The following WDR27 variants were observed in gnomAD, a reference collection of about 807,000 sequenced individuals.
WDR27 encodes WD repeat domain 27.
A neutral mutation model predicts 114.4 loss-of-function variants in WDR27; 100 were observed. The observed-to-expected ratio is 0.87, with a 90% CI of 0.74 to 1.03. WDR27 has a LOEUF of 1.03. Ranked by LOEUF, WDR27 falls within the 50% of genes least tolerant of loss-of-function variation. WDR27 has a pLI of 0.00. For synonymous variants in WDR27, 449 were observed against 423.1 expected (o/e 1.06, Z -0.75); for missense variants, 1,129 against 1,092.9 (o/e 1.03, Z -0.47).
At chr6:169,480,089 G>A (rs927009671) in intron 25 of WDR27, among the ~76,000 whole-genome samples, 15 of 152,192 alleles carry the variant, frequency 9.9e-5, no homozygotes, top group African/African-American at 3.6e-4. Flanking sequence ...GGGCCAGCGT[G>A]AGTTCCAGGT....
At chr6:169,597,291 G>A (rs1806997597) in intron 23 of WDR27, among the ~76,000 whole-genome samples, 1 of 151,858 alleles carries the variant, frequency 6.6e-6, no homozygotes, top group African/African-American at 2.4e-5. Context: ...AACCTTGTCT[G>A]CTAAGTCCAA....
chr6:169,673,345 G>A (rs981423078), intron 2 of WDR27, among the ~76,000 whole-genome samples: 5 of 151,868 alleles, frequency 3.3e-5, no homozygotes, highest in Admixed American at 2.0e-4. Flanking sequence ...GGCAGGATAC[G>A]TCACCTCATT....
At chr6:169,630,635 C>A (rs1352868720) in intron 21 of WDR27, among the ~76,000 whole-genome samples, 2 of 152,228 alleles carry the variant, frequency 1.3e-5, no homozygotes, top group Non-Finnish European at 2.9e-5. Context: ...GTGGCTCACG[C>A]CTGTAATCCC....
chr6:169,552,390 T>C (rs1798274547), intron 25 of WDR27, among the ~76,000 whole-genome samples: 1 of 152,192 alleles, frequency 6.6e-6, no homozygotes, highest in Admixed American at 6.5e-5. Context: ...TTCAGCCTGT[T>C]CCCGCTGCAG....
chr6:169,612,883 T>A (rs1446806372), intron 22 of WDR27, among the ~76,000 whole-genome samples: 1 of 152,216 alleles, frequency 6.6e-6, no homozygotes, highest in Non-Finnish European at 1.5e-5. Context: ...CTCATACAGA[T>A]TCTCATCACT....
chr6:169,653,697 A>T (rs767831391), intron 13 of WDR27, among the ~76,000 whole-genome samples: 12 of 152,226 alleles, frequency 7.9e-5, no homozygotes, highest in Non-Finnish European at 1.5e-4. Flanking sequence ...CAAAAGCCAG[A>T]AGAAATATGT....
intron 18 of WDR27, 66 bp from the exon 19 acceptor site, chr6:169,636,570 C>T: frequency 6.9e-7 from 1 of 1,456,466 alleles, no homozygotes; most frequent in Non-Finnish European, 9.3e-7. Context: ...TTGCTCTAAA[C>T]ATAAAATTAT....
chr6:169,634,532 G>C lies in WDR27; in HGVS notation c.2004-7C>G, dbSNP rs772398953. 6.3e-7 allele frequency: 1 copy of C among 1,597,968 alleles called. No individual in the cohort carries two copies. Among genetic ancestry groups the C allele is most frequent in the Non-Finnish European group, 8.5e-7 (1 of 1,170,270 alleles). On this transcript the variant is annotated splice_region_variant and splice_polypyrimidine_tract_variant and intron_variant, in intron 19 of 25. Transcript: ENST00000448612. ...CTTGCTCTTCTGTTTATATCTGGAA[G>C]AGAAAATCAAGATGATCAATATTTT... is the stretch of plus-strand genomic sequence containing the variant.
intron 23 of WDR27, among the ~76,000 whole-genome samples, chr6:169,590,964 T>C (rs2128154108): frequency 6.6e-6 from 1 of 152,350 alleles, no homozygotes; most frequent in South Asian, 2.1e-4. Flanking sequence ...CAGGTATCTC[T>C]TCCATATACG....
At chr6:169,629,023 G>T (rs1815613690) in intron 21 of WDR27, among the ~76,000 whole-genome samples, 1 of 152,174 alleles carries the variant, frequency 6.6e-6, no homozygotes, top group Non-Finnish European at 1.5e-5. Flanking sequence ...CTTTAACAGA[G>T]AAAAGCTTTA....
intron 25 of WDR27, among the ~76,000 whole-genome samples, chr6:169,555,562 C>T (rs1292421629): frequency 6.6e-6 from 1 of 152,172 alleles, no homozygotes; most frequent in Non-Finnish European, 1.5e-5. Flanking sequence ...TAAATTAACA[C>T]ACCAAAACTA....
intron 25 of WDR27, among the ~76,000 whole-genome samples, chr6:169,494,120 G>A (rs1410456777): frequency 1.3e-5 from 2 of 152,200 alleles, no homozygotes; most frequent in Admixed American, 1.3e-4. Flanking sequence ...TTGACTGTGT[G>A]ATGGGGTGCC....
At chr6:169,557,591 T>G (rs987854467) in intron 25 of WDR27, among the ~76,000 whole-genome samples, 1 of 152,232 alleles carries the variant, frequency 6.6e-6, no homozygotes, top group African/African-American at 2.4e-5. Flanking sequence ...ATCTTCAATC[T>G]TTCCTTTTCA....
the WDR27 span, among the ~76,000 whole-genome samples, chr6:169,440,029 C>T: frequency 1.3e-5 from 2 of 151,214 alleles, no homozygotes; most frequent in Non-Finnish European, 2.9e-5. Context: ...TGAAGCCTGC[C>T]TTGATTTGGC....
chr6:169,571,078 T>C (rs946363434), intron 25 of WDR27, among the ~76,000 whole-genome samples: 1 of 152,160 alleles, frequency 6.6e-6, no homozygotes, highest in Non-Finnish European at 1.5e-5. Flanking sequence ...AATTAGCGGA[T>C]ACAGTGATCA....
At chr6:169,581,168 G>A (rs532846069) in intron 24 of WDR27, among the ~76,000 whole-genome samples, 1 of 151,892 alleles carries the variant, frequency 6.6e-6, no homozygotes, top group East Asian at 1.9e-4. Flanking sequence ...TTAATCTCAA[G>A]GGCAAGAGAG....
At chr6:169,645,043 A>AAAAAAAAAAAAAAAAAAAAAAAAAAAG (rs1820276157) in intron 16 of WDR27, among the ~76,000 whole-genome samples, 3 of 59,674 alleles carry the variant, frequency 5.0e-5, no homozygotes, top group African/African-American at 3.6e-4. Flanking sequence ...AAATAAAAAA[A>AAAAAAAAAAAAAAAAAAAAAAAAAAAG]AAAAAAAAAA....
At chr6:169,623,906 G>A (rs1337923450) in intron 21 of WDR27, among the ~76,000 whole-genome samples, 4 of 152,130 alleles carry the variant, frequency 2.6e-5, no homozygotes, top group Non-Finnish European at 5.9e-5. Context: ...GAGCCTAGGA[G>A]TGACACAGCC....
chr6:169,670,488 G>A, intron 4 of WDR27, 81 bp downstream of exon 4: 3 of 1,522,900 alleles, frequency 2.0e-6, no homozygotes, highest in East Asian at 2.3e-5. Context: ...AAAAAGAAAA[G>A]ACCGCTGGGC....
Sources: allele counts gnomAD v4.1 joint callset (sites outside exome capture counted in the v4.1 genomes callset), GRCh38; gene constraint gnomAD v4.1.1; transcripts MANE v1.5; gene names NCBI Gene and HGNC (gene_info 2026-07-23, HGNC 2026-07-21).